ANKRD36: variants seen among roughly 807,000 people sequenced by gnomAD.
ANKRD36 encodes ankyrin repeat domain-containing protein 36A.
A neutral mutation model predicts 278.1 loss-of-function variants in ANKRD36; 179 were observed. That is an observed-to-expected ratio of 0.64 (90% CI 0.57 to 0.73). The LOEUF (loss-of-function observed/expected upper bound fraction) is 0.73, where lower values mean the gene tolerates loss of function less well. Among genes scored for constraint, ANKRD36 ranks in the 30% least tolerant of loss-of-function variants. The pLI is 0.00. For missense variants in ANKRD36, 1,159 were observed against 1,956.7 expected (o/e 0.59, Z 7.69); for synonymous variants, 320 against 641.1 (o/e 0.50, Z 7.57).
chr2:97,192,571 G>C (rs1423643038), intron 36 of ANKRD36, among the ~76,000 whole-genome samples: 2 of 151,426 alleles, frequency 1.3e-5, no homozygotes, highest in African/African-American at 4.8e-5. Context: ...ACATTTGTCC[G>C]CATCACTTGG....
At chr2:97,191,217 TC>T in intron 36 of ANKRD36, 36 bp downstream of exon 36, 1 of 1,530,638 alleles carries the variant, frequency 6.5e-7, no homozygotes, top group Non-Finnish European at 8.8e-7. Context: ...TCATATTCAG[TC>T]CAGATAGATA....
intron 12 of ANKRD36, among the ~76,000 whole-genome samples, chr2:97,151,218 C>G (rs1362364410): frequency 6.6e-6 from 1 of 151,914 alleles, no homozygotes; most frequent in Non-Finnish European, 1.5e-5. Context: ...TTTCATTTCA[C>G]TTCTGTTTCT....
rs376269311 is a variant in ANKRD36, at chr2:97,124,879, T to G, written c.731+282T>G. Among the ~76,000 whole-genome samples the G allele has an allele frequency of 6.6e-5, 10 of 152,030 alleles. No individual in the cohort carries two copies. The East Asian group carries it at 1.7e-3, about 26-fold the overall frequency. ...CTTAGGGATTCCAATGTTGTCCATTTTATTTCTAGTATAACCCCTATGCAT... is the reference window on the plus strand; with the variant it reads ...CTTAGGGATTCCAATGTTGTCCATTGTATTTCTAGTATAACCCCTATGCAT... On this transcript the variant is annotated intron_variant, in intron 5 of 75. Coordinates refer to ENST00000420699, the MANE Select transcript of ANKRD36 (RefSeq NM_001354587.1).
intron 30 of ANKRD36, among the ~76,000 whole-genome samples, chr2:97,186,848 C>T (rs2057507924): frequency 6.6e-6 from 1 of 151,840 alleles, no homozygotes; most frequent in African/African-American, 2.4e-5. Flanking sequence ...GTGCATGTGC[C>T]ACCTGCTTTG....
chr2:97,148,688 T>A (rs1441082746), intron 11 of ANKRD36, among the ~76,000 whole-genome samples: 1 of 152,142 alleles, frequency 6.6e-6, no homozygotes, highest in African/African-American at 2.4e-5. Context: ...ACATTTGTAC[T>A]TTGACTTTTG....
At chr2:97,203,979 G>C in intron 48 of ANKRD36, 89 bp from the exon 49 acceptor site, 1 of 1,517,390 alleles carries the variant, frequency 6.6e-7, no homozygotes, top group Non-Finnish European at 8.9e-7. Context: ...CAGGCAGGAG[G>C]ACAGAGGCTG....
chr2:97,231,062 T>A (rs2071826386), intron 67 of ANKRD36, among the ~76,000 whole-genome samples: 1 of 152,082 alleles, frequency 6.6e-6, no homozygotes, highest in African/African-American at 2.4e-5. Context: ...TGGGGGTGCC[T>A]CCCAGTTAGG....
chr2:97,202,576 T>A (rs201474380), intron 48 of ANKRD36, among the ~76,000 whole-genome samples, 183 bp downstream of exon 48: 6 of 151,802 alleles, frequency 4.0e-5, no homozygotes, highest in Admixed American at 6.6e-5. Context: ...TGATCTTCGC[T>A]GTAAGATTAT....
chr2:97,209,180 A>G (rs1489232830), intron 54 of ANKRD36, among the ~76,000 whole-genome samples: 2 of 146,698 alleles, frequency 1.4e-5, no homozygotes, highest in Admixed American at 6.7e-5. Context: ...CTTCCACTGA[A>G]GAGATGTGAA....
In ANKRD36 at chr2:97,194,754, G is replaced by A; in HGVS notation, c.2478G>A (p.Lys826=). 6.2e-7 allele frequency: 1 copy of A among 1,603,814 alleles called. No individual in the cohort carries two copies. Among genetic ancestry groups the A allele is most frequent in the African/African-American group, 1.3e-5 (1 of 74,792 alleles). The change falls in exon 39 of 76, where the codon AAG becomes AAA. Residue 826 remains lysine, a splice_region_variant and synonymous_variant. Coordinates refer to ENST00000420699, the MANE Select transcript of ANKRD36 (RefSeq NM_001354587.1). ...CTTCTCGGAAAAAACCAGCCTTGAAGGTAATGAAACTCTCATTCATATTGT... is the reference window on the plus strand; with the variant it reads ...CTTCTCGGAAAAAACCAGCCTTGAAAGTAATGAAACTCTCATTCATATTGT... ...TVSSRKKPAL[K]ATSDEKDSFS... is the part of the protein sequence containing the mutation.
intron 11 of ANKRD36, 32 bp downstream of exon 11, chr2:97,146,548 GT>G: frequency 6.8e-7 from 1 of 1,468,258 alleles, no homozygotes; most frequent in Non-Finnish European, 9.1e-7. Context: ...AAAGTGATAT[GT>G]TAACTTAGTT....
At position 97,225,107 on chromosome 2, in the gene ANKRD36, C is replaced by T. The variant is rs557262778; in HGVS notation, c.3951+228C>T. On this transcript the variant is annotated intron_variant, in intron 67 of 75. Coordinates refer to ENST00000420699, the MANE Select transcript of ANKRD36 (RefSeq NM_001354587.1). ...ACTCTTGGAACTGAGTTAAAAAGTTCCTGATATTGTTTGCACTTCTATTTT... is the reference window on the plus strand; with the variant it reads ...ACTCTTGGAACTGAGTTAAAAAGTTTCTGATATTGTTTGCACTTCTATTTT... 2.6e-5 allele frequency among the ~76,000 whole-genome samples: 4 copies of T among 151,986 alleles called. No individual in the cohort carries two copies. In the East Asian group the frequency reaches 5.9e-4, roughly 23 times the overall value.
At chr2:97,181,975 T>G (rs951912212) in intron 26 of ANKRD36, among the ~76,000 whole-genome samples, 182 bp downstream of exon 26, 2 of 151,578 alleles carry the variant, frequency 1.3e-5, no homozygotes, top group African/African-American at 4.8e-5. Flanking sequence ...GCAATAAGAT[T>G]ATAGACTTCC....
At chr2:97,184,855 A>T (rs899772001) in intron 28 of ANKRD36, among the ~76,000 whole-genome samples, 2 of 151,810 alleles carry the variant, frequency 1.3e-5, no homozygotes, top group Admixed American at 6.6e-5. Flanking sequence ...CTGAAGTGTC[A>T]TTGTAATTGT....
chr2:97,183,965 G>A (rs2153549848), intron 28 of ANKRD36, among the ~76,000 whole-genome samples: 1 of 151,636 alleles, frequency 6.6e-6, no homozygotes, highest in East Asian at 2.0e-4. Flanking sequence ...TATGGAGAGG[G>A]GAAGGAGAAA....
In ANKRD36 at chr2:97,241,034, G is replaced by A. The variant is rs1336713149; in HGVS notation, c.4094-232G>A. ...TTTTTTTTTTACAGGACCTATCTGA[G>A]TTTATAACTGTCACCTTTTTATCTT... On this transcript the variant is annotated intron_variant, in intron 68 of 75. Coordinates refer to ENST00000420699, the MANE Select transcript of ANKRD36 (RefSeq NM_001354587.1). Among the ~76,000 whole-genome samples, 13 of 48,804 alleles carry A rather than the reference G, an allele frequency of 2.7e-4. No homozygotes were observed. In the East Asian group the frequency reaches 7.3e-3, roughly 27 times the overall value. 32.0% of individuals were successfully genotyped at this position (48,804 alleles called of 152,430 possible).
chr2:97,203,751 G>T (rs1316971877), intron 48 of ANKRD36, among the ~76,000 whole-genome samples: 1 of 151,804 alleles, frequency 6.6e-6, no homozygotes, highest in Non-Finnish European at 1.5e-5. Context: ...ACGTGTATGA[G>T]TTGCTCCTCT....
intron 10 of ANKRD36, among the ~76,000 whole-genome samples, chr2:97,146,184 C>T (rs1295409596): frequency 6.6e-6 from 1 of 151,688 alleles, no homozygotes; most frequent in African/African-American, 2.4e-5. Context: ...CCAGGTTGGT[C>T]TTGAACTCCT....
intron 28 of ANKRD36, among the ~76,000 whole-genome samples, chr2:97,184,243 C>G (rs2056905934): frequency 6.6e-6 from 1 of 151,736 alleles, no homozygotes; most frequent in African/African-American, 2.4e-5. Context: ...GATTTGATTT[C>G]TGACTGCTCC....
Sources: gnomAD v4.1 joint callset for allele counts (sites outside exome capture counted in the v4.1 genomes callset) on GRCh38, gnomAD v4.1.1 for gene constraint, MANE v1.5 for transcripts, NCBI Gene and HGNC (gene_info 2026-07-23, HGNC 2026-07-21) for gene names.